The following TBC1D19 variants were observed in gnomAD, a reference collection of about 807,000 sequenced individuals.
TBC1D19 encodes the protein TBC1 domain family member 19, also known as TBC1 domain family, member 19.
TBC1D19 carries 60 observed loss-of-function variants against 89.0 expected under a neutral mutation model. The observed-to-expected ratio is 0.67, with a 90% confidence interval of 0.55 to 0.84. The LOEUF (loss-of-function observed/expected upper bound fraction) is 0.84, where lower values mean the gene tolerates loss of function less well. Among genes scored for constraint, TBC1D19 ranks in the 40% least tolerant of loss-of-function variants. The pLI, the probability that TBC1D19 is intolerant of heterozygous loss-of-function variation, is 0.00. For missense variants in TBC1D19, 500 were observed against 610.8 expected, an observed-to-expected ratio of 0.82 and a Z score of 1.91; for synonymous variants, 189 against 199.7, an observed-to-expected ratio of 0.95 and a Z score of 0.45.
At chr4:26,697,841 A>C (rs923529853) in intron 13 of TBC1D19, among the ~76,000 whole-genome samples, 1 of 152,204 alleles carries the variant, frequency 6.6e-6, no homozygotes, top group African/African-American at 2.4e-5. Context: ...TCAATAAATT[A>C]GGTATTGATG....
chr4:26,716,425 G>A lies in TBC1D19; in HGVS notation c.955-1508G>A, dbSNP rs556215342. On this transcript the variant is annotated intron_variant, in intron 13 of 20. Transcript: ENST00000264866. ...GGAGAGGCATCGTTCAATTAAAAATGCCCAAAGCAATTGACCAGACAGGTG... is the reference window on the plus strand; with the variant it reads ...GGAGAGGCATCGTTCAATTAAAAATACCCAAAGCAATTGACCAGACAGGTG... 2.0e-5 allele frequency among the ~76,000 whole-genome samples: 3 copies of A among 152,198 alleles called. No homozygotes were observed. In the East Asian group the frequency reaches 5.8e-4, roughly 29 times the overall value.
intron 1 of TBC1D19, among the ~76,000 whole-genome samples, chr4:26,591,503 A>T (rs1266675939): frequency 2.6e-5 from 4 of 152,230 alleles, no homozygotes; most frequent in African/African-American, 9.6e-5. Flanking sequence ...GAACTGAAGG[A>T]AACAGAGACA....
chr4:26,817,979 A>ATATATATAT, the TBC1D19 span, among the ~76,000 whole-genome samples: 3 of 107,364 alleles, frequency 2.8e-5, no homozygotes, highest in East Asian at 2.3e-4. Flanking sequence ...AAAAAAAAAA[A>ATATATATAT]AAATATATAT....
intron 4 of TBC1D19, among the ~76,000 whole-genome samples, chr4:26,634,959 A>G (rs1743035586): frequency 6.6e-6 from 1 of 152,064 alleles, no homozygotes; most frequent in Non-Finnish European, 1.5e-5. Context: ...ATTCATGTCT[A>G]TTGTATTTAA....
intron 10 of TBC1D19, among the ~76,000 whole-genome samples, chr4:26,673,446 T>TATACACACACACAC (rs373807642): frequency 2.1e-3 from 192 of 90,870 alleles, no homozygotes; most frequent in African/African-American, 4.1e-3. Context: ...TATATATATA[T>TATACACACACACAC]ACACACACAC....
chr4:26,691,433 A>G (rs1424672941), intron 13 of TBC1D19, among the ~76,000 whole-genome samples: 1 of 152,224 alleles, frequency 6.6e-6, no homozygotes, highest in Non-Finnish European at 1.5e-5. Flanking sequence ...CTATCAATGC[A>G]GCAAATTTAT....
the TBC1D19 span, among the ~76,000 whole-genome samples, chr4:26,848,047 G>C: frequency 6.6e-6 from 1 of 152,194 alleles, no homozygotes; most frequent in Non-Finnish European, 1.5e-5. Flanking sequence ...AACGGATTTG[G>C]TAGTCATTAA....
chr4:26,754,024 T>C, intron 20 of TBC1D19, 134 bp downstream of exon 20: 1 of 787,780 alleles, frequency 1.3e-6, no homozygotes, highest in Non-Finnish European at 2.1e-6. Context: ...CCTGTTAAGT[T>C]CTGAGCTAAT....
At chr4:26,642,892 T>C (rs1364054621) in intron 7 of TBC1D19, among the ~76,000 whole-genome samples, 1 of 152,198 alleles carries the variant, frequency 6.6e-6, no homozygotes, top group Non-Finnish European at 1.5e-5. Context: ...ATCCTAAATA[T>C]ATTTGCACCC....
At chr4:26,823,930 G>A in the TBC1D19 span, among the ~76,000 whole-genome samples, 5 of 152,142 alleles carry the variant, frequency 3.3e-5, no homozygotes, top group Non-Finnish European at 4.4e-5. Flanking sequence ...GACTCTTAGT[G>A]AGCCACCCGG....
At chr4:26,662,358 T>C (rs1560456127) in intron 8 of TBC1D19, among the ~76,000 whole-genome samples, 1 of 151,976 alleles carries the variant, frequency 6.6e-6, no homozygotes, top group East Asian at 1.9e-4. Flanking sequence ...TACATATCAA[T>C]AGATGAGTTG....
At chr4:26,595,905 T>C (rs568421775) in intron 1 of TBC1D19, among the ~76,000 whole-genome samples, 7 of 152,286 alleles carry the variant, frequency 4.6e-5, no homozygotes, top group African/African-American at 1.7e-4. Context: ...AACTTTGTTG[T>C]ACTTCAGTAT....
intron 18 of TBC1D19, among the ~76,000 whole-genome samples, chr4:26,744,296 A>G (rs1718526143): frequency 6.6e-6 from 1 of 151,618 alleles, no homozygotes; most frequent in Non-Finnish European, 1.5e-5. Context: ...CTGCAGGTTT[A>G]TCAATTTTAT....
the TBC1D19 span, among the ~76,000 whole-genome samples, chr4:26,816,522 T>C: frequency 1.3e-5 from 2 of 152,176 alleles, no homozygotes; most frequent in African/African-American, 4.8e-5. Context: ...ATCGTAAATT[T>C]ACAGTGGAAA....
At chr4:26,741,141 G>C (rs1211459644) in intron 17 of TBC1D19, among the ~76,000 whole-genome samples, 1 of 152,002 alleles carries the variant, frequency 6.6e-6, no homozygotes, top group Admixed American at 6.6e-5. Flanking sequence ...TGGATCATGA[G>C]GTCAGGAGAT....
the TBC1D19 span, among the ~76,000 whole-genome samples, chr4:26,777,153 T>TA: frequency 5.3e-5 from 8 of 150,554 alleles, no homozygotes; most frequent in Admixed American, 2.7e-4. Flanking sequence ...TTTTTTTTTT[T>TA]TACGGAGTTT....
chr4:26,822,522 AT>A, the TBC1D19 span, among the ~76,000 whole-genome samples: 131 of 152,254 alleles, frequency 8.6e-4, 1 homozygote, highest in African/African-American at 3.1e-3. Context: ...GGAAATATAT[AT>A]TTTTTTGAAA....
the TBC1D19 span, among the ~76,000 whole-genome samples, chr4:26,856,023 C>T: frequency 1.3e-5 from 2 of 152,010 alleles, no homozygotes; most frequent in African/African-American, 4.8e-5. Flanking sequence ...TTGAAATAGA[C>T]ATTAACTGTG....
At chr4:26,604,657 C>T (rs527813103) in intron 1 of TBC1D19, among the ~76,000 whole-genome samples, 1 of 150,646 alleles carries the variant, frequency 6.6e-6, no homozygotes, top group Admixed American at 6.6e-5. Flanking sequence ...GGGCGGATCA[C>T]GAGGTTGGGA....
Sources: gnomAD v4.1 joint callset for allele counts (sites outside exome capture counted in the v4.1 genomes callset) on GRCh38, gnomAD v4.1.1 for gene constraint, MANE v1.5 for transcripts, NCBI Gene and HGNC (gene_info 2026-07-23, HGNC 2026-07-21) for gene names.